KLHL20: variants seen among roughly 807,000 people sequenced by gnomAD.
KLHL20 encodes the protein kelch like family member 20, also known as kelch-like protein 20.
KLHL20 carries 29 observed loss-of-function variants against 69.5 expected under a neutral mutation model. The observed-to-expected ratio is 0.42, with a 90% CI of 0.31 to 0.57. The LOEUF (loss-of-function observed/expected upper bound fraction) is 0.57. Ranked by LOEUF, KLHL20 falls within the 20% of genes least tolerant of loss-of-function variation. The pLI, the probability that KLHL20 is intolerant of heterozygous loss-of-function variation, is 0.18. For synonymous variants in KLHL20, 253 were observed against 265.2 expected (o/e 0.95, Z 0.45); for missense variants, 419 against 776.0 (o/e 0.54, Z 5.47).
chr1:173,773,555 T>C (rs910641219), intron 8 of KLHL20, among the ~76,000 whole-genome samples: 1 of 152,002 alleles, frequency 6.6e-6, no homozygotes, highest in Non-Finnish European at 1.5e-5. Flanking sequence ...CAAAGAACTA[T>C]GCAAAAGACT....
At chr1:173,784,816 AT>A (rs1227556573) in intron 11 of KLHL20, among the ~76,000 whole-genome samples, 1 of 152,228 alleles carries the variant, frequency 6.6e-6, no homozygotes, top group Non-Finnish European at 1.5e-5. Flanking sequence ...CAGGGGCAAA[AT>A]TTTGAAAATG....
At chr1:173,782,064 C>T in intron 10 of KLHL20, 60 bp from the exon 11 acceptor site, 7 of 1,153,284 alleles carry the variant, frequency 6.1e-6, no homozygotes, top group African/African-American at 1.5e-5. Context: ...AGAAACCAGT[C>T]TATAATTTCC....
At chr1:173,759,800 A>G (rs1162129033) in intron 7 of KLHL20, among the ~76,000 whole-genome samples, 1 of 152,218 alleles carries the variant, frequency 6.6e-6, no homozygotes, top group African/African-American at 2.4e-5. Context: ...CCCTGGTAAC[A>G]TGATAAAACA....
chr1:173,758,407 G>A (rs1041145167), intron 7 of KLHL20, among the ~76,000 whole-genome samples: 1 of 152,126 alleles, frequency 6.6e-6, no homozygotes, highest in Non-Finnish European at 1.5e-5. Context: ...GCTCCAGACC[G>A]GGCAACATGC....
chr1:173,719,104 C>CAAAAAA (rs751845202), intron 2 of KLHL20, among the ~76,000 whole-genome samples: 1 of 106,180 alleles, frequency 9.4e-6, no homozygotes, highest in African/African-American at 4.6e-5. Context: ...GACTCCGTCT[C>CAAAAAA]AAAAAAAAAA....
At chr1:173,783,012 C>T (rs1455885545) in intron 11 of KLHL20, among the ~76,000 whole-genome samples, 1 of 152,094 alleles carries the variant, frequency 6.6e-6, no homozygotes, top group African/African-American at 2.4e-5. Context: ...CCCTAAAAAG[C>T]CAAATTCTCT....
At chr1:173,730,759 T>C (rs1314652525) in intron 2 of KLHL20, among the ~76,000 whole-genome samples, 1 of 152,106 alleles carries the variant, frequency 6.6e-6, no homozygotes, top group African/African-American at 2.4e-5. Flanking sequence ...CCTAAAACCA[T>C]AAAAACCCTA....
At chr1:173,734,321 G>A (rs1167955539) in intron 3 of KLHL20, 35 bp downstream of exon 3, 1 of 1,575,518 alleles carries the variant, frequency 6.3e-7, no homozygotes, top group African/African-American at 1.3e-5. Context: ...GCACCCATTT[G>A]TTGGAGAGCA....
At chr1:173,782,068 A>G (rs1438342227) in intron 10 of KLHL20, 56 bp from the exon 11 acceptor site, 2 of 1,210,798 alleles carry the variant, frequency 1.7e-6, no homozygotes, top group African/African-American at 1.5e-5. Context: ...ACCAGTCTAT[A>G]ATTTCCTTAC....
At position 173,753,320 on chromosome 1, in the gene KLHL20, C is replaced by A; in HGVS notation, c.851+13C>A. 6.3e-7 allele frequency: 1 copy of A among 1,593,694 alleles called. No individual in the cohort carries two copies. Among genetic ancestry groups the A allele is most frequent in the Non-Finnish European group, 8.6e-7 (1 of 1,161,666 alleles). On this transcript the variant is annotated intron_variant, in intron 5 of 11. Coordinates refer to ENST00000209884, the MANE Select transcript of KLHL20 (RefSeq NM_014458.4). The stretch of plus-strand genomic sequence containing the variant: ...ATGAAGAATGCAGGTATGAGTGACC[C>A]TGGATGGGAAAAATCAACAACTAAG...
At chr1:173,740,128 T>C (rs1177683035) in intron 3 of KLHL20, among the ~76,000 whole-genome samples, 1 of 150,148 alleles carries the variant, frequency 6.7e-6, no homozygotes, top group South Asian at 2.1e-4. Context: ...TTTTTCTTTT[T>C]TTTTTTTTTT....
At chr1:173,749,469 A>T (rs1169687177) in intron 3 of KLHL20, among the ~76,000 whole-genome samples, 2 of 152,144 alleles carry the variant, frequency 1.3e-5, no homozygotes, top group Non-Finnish European at 2.9e-5. Flanking sequence ...TATTTTCTTA[A>T]CTTGGTTATT....
chr1:173,726,944 T>A (rs1671999240), intron 2 of KLHL20, among the ~76,000 whole-genome samples: 1 of 152,064 alleles, frequency 6.6e-6, no homozygotes, highest in African/African-American at 2.4e-5. Context: ...ACTATCAAAC[T>A]TCTCTGAGCT....
In KLHL20 at chr1:173,734,008, A is replaced by G; in HGVS notation, c.319A>G (p.Thr107Ala). Reference sequence around the variant, plus strand: ...AGGAGAATTGGCAGAGAGCCGTCAGACAGAAGTAGTGATCCGAGACATTGA... The same window carrying G: ...AGGAGAATTGGCAGAGAGCCGTCAGGCAGAAGTAGTGATCCGAGACATTGA... ...FTGELAESRQ[T>A]EVVIRDIDER... The change falls in exon 3 of 12, where the codon ACA becomes GCA. Residue 107 changes from threonine to alanine, a missense_variant. Thr to Ala is a moderately conservative substitution (Grantham distance 58, BLOSUM62 0). Coordinates refer to ENST00000209884, the MANE Select transcript of KLHL20 (RefSeq NM_014458.4). The G allele has an allele frequency of 6.2e-7, 1 of 1,614,176 alleles. No individual in the cohort carries two copies. Among genetic ancestry groups the G allele is most frequent in the Non-Finnish European group, 8.5e-7 (1 of 1,180,022 alleles).
At chr1:173,757,462 A>G (rs1321332404) in intron 7 of KLHL20, among the ~76,000 whole-genome samples, 3 of 151,876 alleles carry the variant, frequency 2.0e-5, no homozygotes, top group Non-Finnish European at 1.5e-5. Flanking sequence ...ACATATATGC[A>G]TGCTGTTCTT....
In KLHL20 at chr1:173,734,160, C is replaced by T. The variant is rs1672419902; in HGVS notation, c.471C>T (p.Cys157=). The change falls in exon 3 of 12, where the codon TGC becomes TGT. Residue 157 remains cysteine, a synonymous_variant. Coordinates refer to ENST00000209884, the MANE Select transcript of KLHL20 (RefSeq NM_014458.4). ...LLQLAEIQEA[C]CEFLKRQLDP... ...AGCTGGCAGAAATACAGGAAGCCTG[C>T]TGTGAATTCTTAAAGAGACAATTAG... The T allele has an allele frequency of 1.2e-6, 2 of 1,614,206 alleles. No individual in the cohort carries two copies. Among genetic ancestry groups the T allele is most frequent in the African/African-American group, 1.3e-5 (1 of 75,052 alleles).
rs1373845255 is a variant in KLHL20, at chr1:173,786,555, T to A, written c.*1308T>A. The A allele has an allele frequency of 1.3e-5, 2 of 152,618 alleles. No homozygotes were observed. Among genetic ancestry groups the A allele is most frequent in the African/African-American group, 4.8e-5 (2 of 41,458 alleles). 9.5% of individuals were successfully genotyped at this position (152,618 alleles called of 1,614,324 possible). On this transcript the variant is annotated 3_prime_UTR_variant, in exon 12 of 12. Transcript: ENST00000209884. The stretch of plus-strand genomic sequence containing the variant: ...ACTACAAAAATGTTTGGCAACTTTG[T>A]GTTTACATTTAAAGATCATTTGCAC...
chr1:173,759,820 A>C (rs1673715632), intron 7 of KLHL20, among the ~76,000 whole-genome samples: 1 of 152,186 alleles, frequency 6.6e-6, no homozygotes, highest in South Asian at 2.1e-4. Context: ...AAGGCTCTTC[A>C]ACACCCCCAA....
At chr1:173,721,753 A>T (rs1671726681) in intron 2 of KLHL20, among the ~76,000 whole-genome samples, 1 of 152,208 alleles carries the variant, frequency 6.6e-6, no homozygotes, top group Non-Finnish European at 1.5e-5. Flanking sequence ...TCAGGTGTGG[A>T]ATATAGTGCC....
Sources: gnomAD v4.1 joint callset for allele counts (sites outside exome capture counted in the v4.1 genomes callset) on GRCh38, gnomAD v4.1.1 for gene constraint, MANE v1.5 for transcripts, NCBI Gene and HGNC (gene_info 2026-07-23, HGNC 2026-07-21) for gene names.